The following RCC1 variants were observed in gnomAD, a reference collection of about 807,000 sequenced individuals.
The protein encoded by RCC1 is regulator of chromosome condensation 1.
In RCC1, 11 loss-of-function variants were observed where a neutral mutation model predicts 44.4. The ratio of observed to expected loss-of-function variants is 0.25; its 90% confidence interval spans 0.16 to 0.41. RCC1 has a LOEUF of 0.41. Ranked by LOEUF, RCC1 falls within the 10% of genes least tolerant of loss-of-function variation. The probability of loss-of-function intolerance (pLI) is 1.00; values close to 1 mark genes in which losing one functional copy is unlikely to be tolerated. For synonymous variants in RCC1, 213 were observed against 216.5 expected (o/e 0.98, Z 0.14); for missense variants, 386 against 547.1 (o/e 0.71, Z 2.94).
intron 3 of RCC1, among the ~76,000 whole-genome samples, chr1:28,516,472 A>C (rs1662901681): frequency 6.6e-6 from 1 of 150,480 alleles, no homozygotes; most frequent in Non-Finnish European, 1.5e-5. Flanking sequence ...ACTGCACTCC[A>C]GCCTGGGCAA....
chr1:28,522,477 C>G (rs963113636), intron 4 of RCC1, among the ~76,000 whole-genome samples: 3 of 152,050 alleles, frequency 2.0e-5, no homozygotes, highest in African/African-American at 7.3e-5. Context: ...GGAGTCCAAG[C>G]AGGCCAGCAG....
intron 7 of RCC1, among the ~76,000 whole-genome samples, chr1:28,534,031 C>T (rs990221208): frequency 5.3e-5 from 8 of 151,144 alleles, no homozygotes; most frequent in Non-Finnish European, 1.0e-4. Context: ...GCATGCGCCA[C>T]CACACCTGGT....
chr1:28,532,965 G>A (rs1048590388), intron 7 of RCC1, among the ~76,000 whole-genome samples: 4 of 151,990 alleles, frequency 2.6e-5, no homozygotes, highest in East Asian at 1.9e-4. Context: ...ACAGGCATGC[G>A]CCACCACGCC....
At chr1:28,517,928 G>A (rs1292729620) in intron 4 of RCC1, among the ~76,000 whole-genome samples, 3 of 152,128 alleles carry the variant, frequency 2.0e-5, no homozygotes, top group African/African-American at 7.2e-5. Flanking sequence ...CCTTCTCCAT[G>A]CCCTCTTGAG....
At chr1:28,508,482 A>G (rs1284946249) in intron 2 of RCC1, 13 of 456,726 alleles carry the variant, frequency 2.8e-5, no homozygotes, top group Admixed American at 2.6e-4. Context: ...TGAGAAAGAT[A>G]CTAGCCCTTG....
intron 1 of RCC1, 92 bp from the exon 2 acceptor site, chr1:28,508,036 A>AAAC (rs1662163665): frequency 2.6e-6 from 1 of 384,876 alleles, no homozygotes; most frequent in Non-Finnish European, 5.4e-6. Context: ...CTCCAGTGCC[A>AAAC]CTGTACTCCA....
chr1:28,530,031 C>A, intron 5 of RCC1, 92 bp downstream of exon 5: 1 of 1,018,138 alleles, frequency 9.8e-7, no homozygotes, highest in Non-Finnish European at 1.5e-6. Context: ...AGGCTTGAAG[C>A]TGAAGGGTGT....
intron 5 of RCC1, among the ~76,000 whole-genome samples, chr1:28,531,457 C>T (rs4654372): frequency 1.3e-5 from 2 of 151,410 alleles, no homozygotes; most frequent in African/African-American, 4.9e-5. Context: ...TCAAGTGATC[C>T]GCCCGCCTTG....
chr1:28,535,829 G>T, intron 9 of RCC1, 42 bp from the exon 10 acceptor site: 1 of 1,589,460 alleles, frequency 6.3e-7, no homozygotes, highest in Non-Finnish European at 8.6e-7. Flanking sequence ...GAAGCCATGT[G>T]TGTCTGTCTG....
chr1:28,530,497 G>A (rs552308400), intron 5 of RCC1: 2 of 1,585,330 alleles, frequency 1.3e-6, no homozygotes, highest in South Asian at 1.1e-5. Flanking sequence ...GTGGACCCAC[G>A]CTCAGACAGT....
In RCC1 at chr1:28,508,176, A is replaced by C. The variant is rs1449173994; in HGVS notation, c.-229+16A>C. The C allele has an allele frequency of 9.0e-6, 4 of 442,098 alleles. No homozygotes were observed. Among genetic ancestry groups the C allele is most frequent in the South Asian group, 6.3e-5 (4 of 63,344 alleles). The allele number at this position is 442,098 out of a possible 1,614,324, so 27.4% of individuals were successfully genotyped here. A position where few individuals can be genotyped will look rare whatever the true frequency, so the allele number is the denominator to read the frequency against. On this transcript the variant is annotated intron_variant, in intron 2 of 12. Transcript: ENST00000683442. ...CTCTTATTTGGTGAGTAAATCTGCT[A>C]ATTGTTTTTTGCTTATCAGCTCTTT...
chr1:28,536,129 T>A lies in RCC1; in HGVS notation c.817+103T>A. The A allele has an allele frequency of 1.9e-6, 3 of 1,540,030 alleles. No homozygotes were observed. Among genetic ancestry groups the A allele is most frequent in the Non-Finnish European group, 2.6e-6 (3 of 1,140,436 alleles). The stretch of plus-strand genomic sequence containing the variant: ...ATCCTTTGCGGGGTCGTCTAACCCC[T>A]CCAAGCCAGTTTTGTCATCTGTAAA... On this transcript the variant is annotated intron_variant, in intron 10 of 12. Transcript: ENST00000683442. This position sits in a 1 kb window ranked among gnomAD's most constrained non-coding sequence, Gnocchi z 4.9.
intron 4 of RCC1, among the ~76,000 whole-genome samples, chr1:28,522,163 CAGAG>C (rs1234497882): frequency 2.6e-5 from 4 of 152,186 alleles, no homozygotes; most frequent in East Asian, 1.9e-4. Flanking sequence ...CCCAGTTTCT[CAGAG>C]AGAATGACTA....
intron 4 of RCC1, among the ~76,000 whole-genome samples, chr1:28,525,937 G>A (rs1254381372): frequency 2.0e-5 from 3 of 152,082 alleles, no homozygotes; most frequent in East Asian, 1.9e-4. Flanking sequence ...CCTTCCCTTC[G>A]TAACATTAGG....
chr1:28,506,127 G>T, intron 1 of RCC1, 43 bp downstream of exon 1: 1 of 454,842 alleles, frequency 2.2e-6, no homozygotes, highest in Non-Finnish European at 4.4e-6. Context: ...GCTTGCCACC[G>T]GAGTTGTGGG....
intron 1 of RCC1, 124 bp downstream of exon 1, chr1:28,506,208 T>C: frequency 2.3e-6 from 1 of 439,418 alleles, no homozygotes; most frequent in South Asian, 1.6e-5. Context: ...TTACTTTTTT[T>C]TTTTTTTTGA....
In RCC1 at chr1:28,532,315, G is replaced by C; in HGVS notation, c.406G>C (p.Asp136His). 6.2e-7 allele frequency: 1 copy of C among 1,614,128 alleles called. No homozygotes were observed. Among genetic ancestry groups the C allele is most frequent in the Non-Finnish European group, 8.5e-7 (1 of 1,180,032 alleles). The change falls in exon 7 of 13, where the codon GAT (aspartate) becomes CAT (histidine). Residue 136 changes from aspartate (D) to histidine (H), a missense_variant. Coordinates refer to ENST00000683442, the MANE Select transcript of RCC1 (RefSeq NM_001381865.2). ...AGDSHTAALT[D>H]DGRVFLWGSF... ...AGACAGTCACACAGCAGCCCTCACCGATGATGGCCGTGTCTTCCTCTGGGG... is the reference window on the plus strand; with the variant it reads ...AGACAGTCACACAGCAGCCCTCACCCATGATGGCCGTGTCTTCCTCTGGGG...
rs1487076519 is a variant in RCC1 at position 28,508,988 on chromosome 1, C to T, written c.-153+83C>T. ...CAAAAGATTGAGGTGCATTTCATGC[C>T]TCCTTTTGAGAGTCTTGCTCTGTCG... is the stretch of plus-strand genomic sequence containing the variant. On this transcript the variant is annotated intron_variant, in intron 3 of 12. Coordinates refer to ENST00000683442, the MANE Select transcript of RCC1 (RefSeq NM_001381865.2). 6.8e-6 allele frequency: 3 copies of T among 441,262 alleles called. No individual in the cohort carries two copies. In the Admixed American group the frequency reaches 8.0e-5, roughly 12 times the overall value. 27.3% of individuals were successfully genotyped at this position (441,262 alleles called of 1,614,324 possible). A position where few individuals can be genotyped will look rare whatever the true frequency, so the allele number is the denominator to read the frequency against.
intron 3 of RCC1, 68 bp downstream of exon 3, chr1:28,508,973 A>C (rs747000410): frequency 2.2e-6 from 1 of 457,868 alleles, no homozygotes; most frequent in Non-Finnish European, 4.4e-6. Context: ...CAAAAGATTG[A>C]GGTGCATTTC....
Sources: gnomAD v4.1 joint callset for allele counts (sites outside exome capture counted in the v4.1 genomes callset) on GRCh38, gnomAD v4.1.1 for gene constraint, Gnocchi (gnomAD v3.1) non-coding constraint, MANE v1.5 for transcripts, NCBI Gene and HGNC (gene_info 2026-07-23, HGNC 2026-07-21) for gene names.